Variants in ZNRF3 observed in about 807,000 individuals in gnomAD.
ZNRF3 encodes zinc and ring finger 3, also known as E3 ubiquitin-protein ligase ZNRF3.
In ZNRF3, 23 loss-of-function variants were observed where a neutral mutation model predicts 72.5. The observed-to-expected ratio is 0.32, with a 90% CI of 0.23 to 0.45. The LOEUF is 0.45. Ranked by LOEUF, ZNRF3 falls within the 20% of genes least tolerant of loss-of-function variation. The pLI is 1.00. For synonymous variants in ZNRF3, 610 were observed against 545.3 expected (o/e 1.12, Z -1.65); for missense variants, 1,169 against 1,272.1 (o/e 0.92, Z 1.23).
At chr22:29,040,211 ACT>A (rs764122851) in intron 2 of ZNRF3, among the ~76,000 whole-genome samples, 3 of 149,350 alleles carry the variant, frequency 2.0e-5, no homozygotes, top group Non-Finnish European at 4.5e-5. Context: ...GCAGAGTCTC[ACT>A]CTGTCGCCCA....
At chr22:28,926,553 A>C (rs149163698) in intron 1 of ZNRF3, among the ~76,000 whole-genome samples, 2,657 of 151,740 alleles carry the variant, frequency 0.018, 67 homozygotes, top group African/African-American at 0.049. Flanking sequence ...CACACCTGTA[A>C]TCCCAGCACT....
At chr22:29,018,020 A>G in intron 2 of ZNRF3, 1 of 519,040 alleles carries the variant, frequency 1.9e-6, no homozygotes, top group Non-Finnish European at 3.8e-6. Context: ...TTAACTTTTC[A>G]GAAATGGGGG....
intron 1 of ZNRF3, among the ~76,000 whole-genome samples, chr22:28,982,202 T>C (rs187253111): frequency 6.6e-6 from 1 of 152,306 alleles, no homozygotes; most frequent in East Asian, 1.9e-4. Context: ...GGTTGCTGAT[T>C]TGCAGTTCTA....
At chr22:29,025,507 A>G (rs1194074721) in intron 2 of ZNRF3, 1 of 151,698 alleles carries the variant, frequency 6.6e-6, no homozygotes, top group African/African-American at 2.4e-5. Flanking sequence ...ATCCCACCCA[A>G]TTAAACTCTT....
chr22:28,956,587 A>C (rs926951695), intron 1 of ZNRF3, among the ~76,000 whole-genome samples: 1 of 152,024 alleles, frequency 6.6e-6, no homozygotes, highest in African/African-American at 2.4e-5. Context: ...CTTTGAAGCC[A>C]CCTGGTCTGA....
At chr22:29,039,784 C>CAAAAAAAAAA (rs397976678) in intron 2 of ZNRF3, among the ~76,000 whole-genome samples, 2 of 85,326 alleles carry the variant, frequency 2.3e-5, no homozygotes, top group Non-Finnish European at 4.6e-5. Context: ...TCGTCTCTAC[C>CAAAAAAAAAA]AAAAAAAAAA....
chr22:28,997,108 A>G (rs1234304335), intron 2 of ZNRF3, among the ~76,000 whole-genome samples: 2 of 152,024 alleles, frequency 1.3e-5, no homozygotes, highest in African/African-American at 4.8e-5. Flanking sequence ...GAAGGGGAGG[A>G]GGCTAACTGT....
Position 29,049,893 on chromosome 22 carries a change from G to T in ZNRF3, c.1712G>T (p.Cys571Phe). ...HCSSSDSVVD[C>F]TEVSNQGVYG... ...TCCTCCAGTGACTCTGTGGTAGACT[G>T]CACTGAGGTCAGCAACCAGGGCGTG... Residue 571 changes from cysteine (C) to phenylalanine (F), a missense_variant, in exon 8 of 9, where the codon TGC becomes TTC. By Grantham distance (205) the Cys-to-Phe change is radical (BLOSUM62 -2). This residue lies in a region of ZNRF3 where 783 missense variants were observed against 731.4 expected (regional missense o/e 1.07). Coordinates refer to ENST00000544604, the MANE Select transcript of ZNRF3 (RefSeq NM_001206998.2). This position sits in a 1 kb window ranked among gnomAD's most constrained non-coding sequence, Gnocchi z 5.2. 6.2e-7 allele frequency: 1 copy of T among 1,603,378 alleles called. No individual in the cohort carries two copies. The highest frequency in any genetic ancestry group is 2.2e-5 in the East Asian group (1 of 44,722).
At chr22:28,896,082 G>A (rs1008531872) in intron 1 of ZNRF3, among the ~76,000 whole-genome samples, 1 of 143,754 alleles carries the variant, frequency 7.0e-6, no homozygotes, top group Non-Finnish European at 1.5e-5. Flanking sequence ...TCCCGAGTAG[G>A]TGGGATTACA....
At chr22:28,959,063 G>T (rs962925302) in intron 1 of ZNRF3, among the ~76,000 whole-genome samples, 3 of 152,226 alleles carry the variant, frequency 2.0e-5, no homozygotes, top group African/African-American at 7.2e-5. Context: ...AGGCTGAATT[G>T]CTTCTCAAGT....
intron 2 of ZNRF3, among the ~76,000 whole-genome samples, chr22:28,990,757 C>CG (rs150992982): frequency 3.9e-5 from 6 of 152,204 alleles, no homozygotes; most frequent in African/African-American, 1.4e-4. Flanking sequence ...GTTTATGTCC[C>CG]GGGCATCTTA....
chr22:28,937,215 ATTTTTTTT>A lies in ZNRF3; in HGVS notation c.301-49845_301-49838del, dbSNP rs370829828. On this transcript the variant is annotated intron_variant, in intron 1 of 8. Coordinates refer to ENST00000544604, the MANE Select transcript of ZNRF3 (RefSeq NM_001206998.2). ...TATATATATATATATATATATATATATTTTTTTTTTTTTTTTTTTTTTTAACAAAAGGA... is the reference window on the plus strand; with the variant it reads ...TATATATATATATATATATATATATATTTTTTTTTTTTTTTAACAAAAGGA... 6.8e-4 allele frequency among the ~76,000 whole-genome samples: 6 copies of A among 8,850 alleles called. No individual in the cohort carries two copies. The East Asian group carries it at 0.027, about 40-fold the overall frequency. The allele number at this position is 8,850 out of a possible 152,430, so 5.8% of individuals were successfully genotyped here.
chr22:28,992,506 G>C (rs1287423977), intron 2 of ZNRF3, among the ~76,000 whole-genome samples: 1 of 152,070 alleles, frequency 6.6e-6, no homozygotes, highest in Non-Finnish European at 1.5e-5. Context: ...CCCTGGGCAT[G>C]AACTCTCTGG....
Position 28,931,424 on chromosome 22 carries a change from T to C in ZNRF3, c.300+47358T>C, listed in dbSNP as rs534534116. Among the ~76,000 whole-genome samples the C allele has an allele frequency of 1.7e-4, 26 of 152,280 alleles. No individual in the cohort carries two copies. In the South Asian group the frequency reaches 5.2e-3, roughly 30 times the overall value. Reference sequence around the variant, plus strand: ...CTAGAATCTCCCAGTTTTGGCCCCGTAGGTGAAGATGTTACTTTGGGAGTA... The same window carrying C: ...CTAGAATCTCCCAGTTTTGGCCCCGCAGGTGAAGATGTTACTTTGGGAGTA... On this transcript the variant is annotated intron_variant, in intron 1 of 8. Coordinates refer to ENST00000544604, the MANE Select transcript of ZNRF3 (RefSeq NM_001206998.2).
chr22:28,917,268 AACACACACAC>A (rs10533572), intron 1 of ZNRF3: 99,596 of 171,306 alleles, frequency 0.58, 29,304 homozygotes, highest in Admixed American at 0.68. Context: ...TTGGGGATAA[AACACACACAC>A]ACACACACAC....
intron 2 of ZNRF3, among the ~76,000 whole-genome samples, chr22:29,011,259 G>A (rs905122018): frequency 1.3e-5 from 2 of 152,234 alleles, no homozygotes; most frequent in Non-Finnish European, 2.9e-5. Context: ...AAAGAATGAT[G>A]AGGAAGTATA....
At chr22:28,937,199 ATATATATATATATATATTTTTTTTT>A (rs1473285059) in intron 1 of ZNRF3, among the ~76,000 whole-genome samples, 51 of 6,206 alleles carry the variant, frequency 8.2e-3, no homozygotes, top group Middle Eastern at 0.056. Context: ...ATATATATAT[ATATATATATATATATATTTTTTTTT>A]TTTTTTTTTT....
At chr22:28,977,980 C>T (rs189054963) in intron 1 of ZNRF3, among the ~76,000 whole-genome samples, 53 of 152,298 alleles carry the variant, frequency 3.5e-4, no homozygotes, top group Non-Finnish European at 6.2e-4. Context: ...TGTCTGACAT[C>T]GTCTTTTGGC....
At chr22:29,052,865 C>T (rs1255773141) in intron 8 of ZNRF3, among the ~76,000 whole-genome samples, 1 of 151,944 alleles carries the variant, frequency 6.6e-6, no homozygotes, top group Admixed American at 6.6e-5. Context: ...GTGACACATG[C>T]CATTAGTCCC....
Sources: allele counts gnomAD v4.1 joint callset (sites outside exome capture counted in the v4.1 genomes callset), GRCh38; gene constraint gnomAD v4.1.1; regional missense constraint gnomAD v4.1.1; non-coding constraint Gnocchi (gnomAD v3.1); transcripts MANE v1.5; gene names NCBI Gene and HGNC (gene_info 2026-07-23, HGNC 2026-07-21).